SLIT2: variants seen among roughly 807,000 people sequenced by gnomAD.
SLIT2 encodes the protein slit homolog 2 protein.
In SLIT2, 41 loss-of-function variants were observed where a neutral mutation model predicts 185.7. The ratio of observed to expected loss-of-function variants is 0.22; its 90% confidence interval spans 0.17 to 0.29. The LOEUF (loss-of-function observed/expected upper bound fraction) is 0.29, where lower values mean the gene tolerates loss of function less well. Among genes scored for constraint, SLIT2 ranks in the 10% least tolerant of loss-of-function variants. The probability of loss-of-function intolerance (pLI) is 1.00; values close to 1 mark genes in which losing one functional copy is unlikely to be tolerated. For synonymous variants in SLIT2, 693 were observed against 680.2 expected, an observed-to-expected ratio of 1.02 and a Z score of -0.29; for missense variants, 1,571 against 1,909.0, an observed-to-expected ratio of 0.82 and a Z score of 3.30.
chr4:20,541,779 C>G (rs1480294908), intron 20 of SLIT2, among the ~76,000 whole-genome samples, 160 bp downstream of exon 20: 1 of 152,186 alleles, frequency 6.6e-6, no homozygotes, highest in Non-Finnish European at 1.5e-5. Flanking sequence ...CACTTACTTT[C>G]TTAGACTTGC....
At chr4:20,618,477 T>C (rs1290737455) in intron 36 of SLIT2, among the ~76,000 whole-genome samples, 1 of 152,216 alleles carries the variant, frequency 6.6e-6, no homozygotes, top group Non-Finnish European at 1.5e-5. Flanking sequence ...ACAGAAGATG[T>C]GTACTTTTTT....
intron 30 of SLIT2, among the ~76,000 whole-genome samples, chr4:20,592,579 T>C (rs1319224907): frequency 6.6e-6 from 1 of 152,188 alleles, no homozygotes. Context: ...GAGAAGGGAA[T>C]ATAAAATAGC....
intron 4 of SLIT2, among the ~76,000 whole-genome samples, chr4:20,416,578 G>GA (rs372884794): frequency 1.2e-3 from 183 of 148,218 alleles, no homozygotes; most frequent in African/African-American, 3.2e-3. Context: ...ATTTTTAAAT[G>GA]AAAAAAAAAA....
chr4:20,447,130 A>G (rs186410353), intron 4 of SLIT2, among the ~76,000 whole-genome samples: 1 of 152,334 alleles, frequency 6.6e-6, no homozygotes, highest in East Asian at 1.9e-4. Context: ...TTTGGATGGA[A>G]AACATCAACC....
At chr4:20,310,607 ACTTGCTGGCTAGAGGTATGTATGCTTC>A (rs1161694496) in intron 4 of SLIT2, among the ~76,000 whole-genome samples, 1 of 152,162 alleles carries the variant, frequency 6.6e-6, no homozygotes, top group Non-Finnish European at 1.5e-5. Context: ...TACTAAATGG[ACTTGCTGGCTAGAGGTATGTATGCTTC>A]CTTTCAGTGA....
Position 20,541,462 on chromosome 4 carries a change from G to A in SLIT2, c.1986G>A (p.Leu662=), listed in dbSNP as rs1326227314. The A allele has an allele frequency of 1.2e-6, 2 of 1,613,764 alleles. No individual in the cohort carries two copies. The highest frequency in any genetic ancestry group is 2.7e-5 in the African/African-American group (2 of 74,900). ...TLHSLSTLNL[L]ANPFNCNCYL... ...TGCCTGTGGCTCTTAGAAACCTCTT[G>A]GCCAATCCTTTTAACTGTAACTGCT... Residue 662 remains leucine (L), a synonymous_variant, in exon 20 of 37, where the codon TTG becomes TTA. Transcript: ENST00000504154.
At chr4:20,437,837 C>T (rs746229126) in intron 4 of SLIT2, among the ~76,000 whole-genome samples, 2 of 150,828 alleles carry the variant, frequency 1.3e-5, no homozygotes, top group Non-Finnish European at 3.0e-5. Flanking sequence ...ATGGCGTGAA[C>T]CCAAGAGGCA....
chr4:20,539,603 C>T lies in SLIT2; in HGVS notation c.1976+19C>T. 6.5e-7 allele frequency: 1 copy of T among 1,543,162 alleles called. No individual in the cohort carries two copies. The highest frequency in any genetic ancestry group is 8.9e-7 in the Non-Finnish European group (1 of 1,127,792). ...CTACTCTGTAAGTATGAAAAATAGCCCTTATGTATTACTTGAGCCATTTAT... is the reference window on the plus strand; with the variant it reads ...CTACTCTGTAAGTATGAAAAATAGCTCTTATGTATTACTTGAGCCATTTAT... On this transcript the variant is annotated intron_variant, in intron 19 of 36. Coordinates refer to ENST00000504154, the MANE Select transcript of SLIT2 (RefSeq NM_004787.4).
At chr4:20,582,897 C>T (rs1311595927) in intron 29 of SLIT2, among the ~76,000 whole-genome samples, 2 of 152,094 alleles carry the variant, frequency 1.3e-5, no homozygotes, top group Non-Finnish European at 2.9e-5. Context: ...ACTGAGATGG[C>T]TCATAAGTGA....
Position 20,441,502 on chromosome 4 carries a change from CG to C in SLIT2, c.396-26249del, listed in dbSNP as rs1430640179. Among the ~76,000 whole-genome samples, 1,143 of 139,240 alleles carry C rather than the reference CG, an allele frequency of 8.2e-3. 26 individuals are homozygous for C. Among genetic ancestry groups the C allele is most frequent in the African/African-American group, 0.029 (1,035 of 36,218 alleles). The allele number at this position is 139,240 out of a possible 152,430, so 91.3% of individuals were successfully genotyped here. On this transcript the variant is annotated intron_variant, in intron 4 of 36. Transcript: ENST00000504154. The stretch of plus-strand genomic sequence containing the variant: ...TCATCCAATCTCTCTCTCTCTCTCT[CG>C]CCCCCCCCCACTTCTGTCTCTCTCT...
chr4:20,444,969 A>G (rs1185947486), intron 4 of SLIT2, among the ~76,000 whole-genome samples: 3 of 152,176 alleles, frequency 2.0e-5, no homozygotes, highest in Admixed American at 6.5e-5. Context: ...TTGTATTTAT[A>G]ATAATATCAG....
At chr4:20,351,052 CTTT>C (rs71181559) in intron 4 of SLIT2, among the ~76,000 whole-genome samples, 1 of 143,144 alleles carries the variant, frequency 7.0e-6, no homozygotes. Flanking sequence ...TTCTTTTTTT[CTTT>C]TTTTTTTTTT....
At chr4:20,479,212 T>C (rs1716442740) in intron 5 of SLIT2, among the ~76,000 whole-genome samples, 1 of 152,170 alleles carries the variant, frequency 6.6e-6, no homozygotes, top group African/African-American at 2.4e-5. Flanking sequence ...TTCTTATAAA[T>C]GAGATGTGTA....
Position 20,528,474 on chromosome 4 carries a change from G to A in SLIT2, c.1463-475G>A, listed in dbSNP as rs958735565. The A allele has an allele frequency of 1.3e-4, 55 of 412,654 alleles. No homozygotes were observed. Among genetic ancestry groups the A allele is most frequent in the Admixed American group, 6.1e-4 (20 of 32,558 alleles). The allele number at this position is 412,654 out of a possible 1,614,324, so 25.6% of individuals were successfully genotyped here. A position where few individuals can be genotyped will look rare whatever the true frequency, so the allele number is the denominator to read the frequency against. ...AAAAGAGGGCTTTTTAGGCATCTCC[G>A]AGATTATGTGAGAGGGAGAGAATAG... is the stretch of plus-strand genomic sequence containing the variant. On this transcript the variant is annotated intron_variant, in intron 15 of 36. Transcript: ENST00000504154. The surrounding 1 kb of genome is among the most constrained non-coding windows in gnomAD (Gnocchi z 4.2).
At position 20,617,451 on chromosome 4, in the gene SLIT2, C is replaced by T. The variant is rs1332619755; in HGVS notation, c.4149C>T (p.Gly1383=). 2 of 1,613,882 alleles carry T rather than the reference C, an allele frequency of 1.2e-6. No individual in the cohort carries two copies. Among genetic ancestry groups the T allele is most frequent in the African/African-American group, 1.3e-5 (1 of 74,936 alleles). Residue 1383 remains glycine (G), a synonymous_variant, in exon 36 of 37, where the codon GGC becomes GGT. Transcript: ENST00000504154. ...CTCCTCCCTGTAGATGCGTACATGG[C>T]ACCTGCTTGCCCATCAATGCGTTCT... The part of the protein sequence containing the change: ...DPCLGNKCVH[G]TCLPINAFSY...
intron 29 of SLIT2, among the ~76,000 whole-genome samples, chr4:20,588,246 A>G (rs773674253): frequency 2.0e-5 from 3 of 152,256 alleles, no homozygotes; most frequent in Non-Finnish European, 4.4e-5. Context: ...TTTAAGAGAC[A>G]GATAAAAACT....
intron 26 of SLIT2, among the ~76,000 whole-genome samples, chr4:20,562,549 C>T (rs953453975): frequency 1.3e-5 from 2 of 151,770 alleles, no homozygotes; most frequent in African/African-American, 2.4e-5. Flanking sequence ...TATGTCTCTC[C>T]TGCTAAACTG....
chr4:20,413,225 T>G (rs572296973), intron 4 of SLIT2, among the ~76,000 whole-genome samples: 1 of 152,246 alleles, frequency 6.6e-6, no homozygotes, highest in East Asian at 1.9e-4. Context: ...TCTCTTCCCT[T>G]AAATCACTGC....
intron 4 of SLIT2, among the ~76,000 whole-genome samples, chr4:20,383,762 G>C (rs930857854): frequency 1.3e-5 from 2 of 152,058 alleles, no homozygotes; most frequent in East Asian, 3.9e-4. Context: ...GAGTACAGTG[G>C]CACAATCTCG....
Sources: allele counts gnomAD v4.1 joint callset (sites outside exome capture counted in the v4.1 genomes callset), GRCh38; gene constraint gnomAD v4.1.1; non-coding constraint Gnocchi (gnomAD v3.1); transcripts MANE v1.5; gene names NCBI Gene and HGNC (gene_info 2026-07-23, HGNC 2026-07-21).